TMEM135: variants seen among roughly 807,000 people sequenced by gnomAD.
TMEM135 encodes the protein transmembrane protein 135, also known as peroxisomal membrane protein 52.
In TMEM135, 30 loss-of-function variants were observed where a neutral mutation model predicts 60.3. The ratio of observed to expected loss-of-function variants is 0.50; its 90% CI spans 0.37 to 0.68. The LOEUF is 0.68. TMEM135 is among the 30% of genes least tolerant of loss of function. TMEM135 has a pLI of 0.00. For missense variants in TMEM135, 468 were observed against 548.8 expected (o/e 0.85, Z 1.47); for synonymous variants, 190 against 186.7 (o/e 1.02, Z -0.14).
chr11:87,302,408 A>T lies in TMEM135; in HGVS notation c.664A>T (p.Met222Leu). The T allele has an allele frequency of 6.2e-7, 1 of 1,613,890 alleles. No individual in the cohort carries two copies. The highest frequency in any genetic ancestry group is 1.3e-5 in the African/African-American group (1 of 75,028). The change falls in exon 8 of 15, where the codon ATG becomes TTG. Residue 222 changes from methionine to leucine, a missense_variant. Transcript: ENST00000305494. ...TGAGGAAAAACCCGGAAGAATGAAT[A>T]TGATTGGTCTAGTCAGGAAATTTGT... The part of the protein sequence containing the change: ...QHEEKPGRMN[M>L]IGLVRKFVDS...
intron 4 of TMEM135, among the ~76,000 whole-genome samples, chr11:87,111,438 G>A (rs879651336): frequency 1.3e-4 from 19 of 151,728 alleles, no homozygotes; most frequent in Non-Finnish European, 2.4e-4. Context: ...ACGAGGTCAG[G>A]AGATTGAGAC....
chr11:87,272,685 C>T (rs889742351), intron 6 of TMEM135, among the ~76,000 whole-genome samples: 1 of 152,086 alleles, frequency 6.6e-6, no homozygotes, highest in Non-Finnish European at 1.5e-5. Context: ...TGGTCTTGAA[C>T]TCCTGGGCTC....
intron 12 of TMEM135, among the ~76,000 whole-genome samples, chr11:87,315,618 T>C (rs927591060): frequency 1.3e-5 from 2 of 152,014 alleles, no homozygotes; most frequent in African/African-American, 4.8e-5. Flanking sequence ...AAAATACTAT[T>C]ACTCTTTATT....
chr11:87,106,975 G>A (rs1379026432), intron 4 of TMEM135, among the ~76,000 whole-genome samples: 1 of 152,118 alleles, frequency 6.6e-6, no homozygotes, highest in Non-Finnish European at 1.5e-5. Context: ...GGGATTGAGG[G>A]TGCCACACAC....
intron 2 of TMEM135, 126 bp downstream of exon 2, chr11:87,067,947 G>A (rs1210281706): frequency 1.7e-6 from 2 of 1,180,826 alleles, no homozygotes; most frequent in East Asian, 5.0e-5. Context: ...TCTGTGAAGT[G>A]ACATTTATGT....
Position 87,086,369 on chromosome 11 carries a change from C to T in TMEM135, c.363-4993C>T, listed in dbSNP as rs140562610. ...CCTTCCACTGGAGGCAGCACCTCTACGTGGCCCGCCTGTGTTATGGCTTGT... is the reference window on the plus strand; with the variant it reads ...CCTTCCACTGGAGGCAGCACCTCTATGTGGCCCGCCTGTGTTATGGCTTGT... On this transcript the variant is annotated intron_variant, in intron 3 of 14. Coordinates refer to ENST00000305494, the MANE Select transcript of TMEM135 (RefSeq NM_022918.4). Among the ~76,000 whole-genome samples, 276 of 152,276 alleles carry T rather than the reference C, an allele frequency of 1.8e-3. 3 individuals are homozygous for T. The highest frequency in any genetic ancestry group is 6.1e-3 in the African/African-American group (252 of 41,554).
intron 6 of TMEM135, among the ~76,000 whole-genome samples, chr11:87,257,400 T>A (rs1161802869): frequency 2.6e-5 from 4 of 152,162 alleles, no homozygotes; most frequent in African/African-American, 9.7e-5. Context: ...GACACTATAG[T>A]GTAGTTGAGA....
intron 1 of TMEM135, among the ~76,000 whole-genome samples, chr11:87,043,738 CAAACAA>C: frequency 6.6e-6 from 1 of 151,092 alleles, no homozygotes; most frequent in East Asian, 1.9e-4. Context: ...AACAAACAAA[CAAACAA>C]AAAAAACTGT....
intron 1 of TMEM135, among the ~76,000 whole-genome samples, chr11:87,061,938 C>A (rs1296949040): frequency 6.6e-6 from 1 of 152,184 alleles, no homozygotes; most frequent in African/African-American, 2.4e-5. Flanking sequence ...ATCAACTCTG[C>A]TTATTGCTGC....
chr11:87,274,885 A>T (rs1021172575), intron 6 of TMEM135, among the ~76,000 whole-genome samples: 8 of 149,688 alleles, frequency 5.3e-5, no homozygotes, highest in Non-Finnish European at 1.0e-4. Context: ...TATATGTATT[A>T]TATATAGATA....
At chr11:87,271,658 G>A (rs958855808) in intron 6 of TMEM135, among the ~76,000 whole-genome samples, 1 of 152,124 alleles carries the variant, frequency 6.6e-6, no homozygotes, top group Non-Finnish European at 1.5e-5. Context: ...TAAAGCCTGG[G>A]TGCAGTGGCT....
At chr11:87,193,729 T>C (rs1939869642) in intron 5 of TMEM135, among the ~76,000 whole-genome samples, 1 of 149,336 alleles carries the variant, frequency 6.7e-6, no homozygotes. Context: ...ATTTAAGTCT[T>C]GAATTGTTCA....
chr11:87,122,265 A>G (rs1020536634), intron 4 of TMEM135, among the ~76,000 whole-genome samples: 72 of 150,284 alleles, frequency 4.8e-4, no homozygotes, highest in African/African-American at 1.6e-3. Flanking sequence ...TTATTTCGCA[A>G]AGACAACAGA....
At chr11:87,161,600 A>T (rs916439183) in intron 5 of TMEM135, among the ~76,000 whole-genome samples, 1 of 152,096 alleles carries the variant, frequency 6.6e-6, no homozygotes, top group African/African-American at 2.4e-5. Context: ...TAATTAAATC[A>T]TTTAGTTTCT....
At chr11:87,313,347 C>T in intron 10 of TMEM135, 78 bp from the exon 11 acceptor site, 1 of 1,196,440 alleles carries the variant, frequency 8.4e-7, no homozygotes, top group Non-Finnish European at 1.2e-6. Flanking sequence ...TGAATTTATT[C>T]ATTATAGTTG....
At chr11:87,060,622 C>G (rs889590819) in intron 1 of TMEM135, among the ~76,000 whole-genome samples, 4 of 151,476 alleles carry the variant, frequency 2.6e-5, no homozygotes, top group African/African-American at 9.7e-5. Context: ...AACTTCGTCT[C>G]TCTGTACTTT....
At chr11:87,073,389 T>C (rs944688992) in intron 3 of TMEM135, among the ~76,000 whole-genome samples, 1 of 152,202 alleles carries the variant, frequency 6.6e-6, no homozygotes, top group Non-Finnish European at 1.5e-5. Context: ...ATTTTTGTGG[T>C]TCTCTGTTTG....
chr11:87,047,566 G>A (rs1365011619), intron 1 of TMEM135, among the ~76,000 whole-genome samples: 3 of 88,442 alleles, frequency 3.4e-5, no homozygotes, highest in African/African-American at 2.2e-4. Flanking sequence ...GACGCACCTG[G>A]AAAATCGGGT....
chr11:87,304,873 A>G (rs1942513145), intron 8 of TMEM135, among the ~76,000 whole-genome samples: 1 of 152,186 alleles, frequency 6.6e-6, no homozygotes, highest in African/African-American at 2.4e-5. Context: ...AGAGAGCTAG[A>G]CCCATGTTAG....
Sources: gnomAD v4.1 joint callset for allele counts (sites outside exome capture counted in the v4.1 genomes callset) on GRCh38, gnomAD v4.1.1 for gene constraint, MANE v1.5 for transcripts, NCBI Gene and HGNC (gene_info 2026-07-23, HGNC 2026-07-21) for gene names.